MATR3: variants seen among roughly 807,000 people sequenced by gnomAD.
MATR3 encodes the protein matrin 3.
A neutral mutation model predicts 85.5 loss-of-function variants in MATR3; 4 were observed. That is an observed-to-expected ratio of 0.05 (90% CI 0.02 to 0.11). The LOEUF is 0.11. MATR3 is among the 10% of genes least tolerant of loss of function. MATR3 has a pLI of 1.00. For missense variants in MATR3, 685 were observed against 1,016.1 expected (o/e 0.67, Z 4.43); for synonymous variants, 336 against 343.1 (o/e 0.98, Z 0.23).
intron 2 of MATR3, chr5:139,311,998 G>T (rs979961918): frequency 6.6e-6 from 1 of 151,646 alleles, no homozygotes; most frequent in African/African-American, 2.4e-5. Flanking sequence ...CTAACTCCTG[G>T]CCTCAGGTGA....
intron 8 of MATR3, 104 bp from the exon 9 acceptor site, chr5:139,319,230 C>G: frequency 7.4e-7 from 1 of 1,359,424 alleles, no homozygotes; most frequent in South Asian, 1.2e-5. Flanking sequence ...ATAGCAAGAC[C>G]TCGTCTCTAT....
In MATR3 at chr5:139,316,116, C is replaced by G; in HGVS notation, c.1057C>G (p.Pro353Ala). Residue 353 changes from proline to alanine, a missense_variant, in exon 5 of 15, where the codon CCA (proline) becomes GCA (alanine). Around this residue, in one of 9 missense-constraint regions of MATR3, gnomAD observed 223 missense variants for 334.4 expected, o/e 0.67. Coordinates refer to ENST00000394805, the MANE Select transcript of MATR3 (RefSeq NM_018834.6). ...FMLQQSTNPA[P>A]GILGPPPPSF... is the part of the protein sequence containing the mutation. ...GTTGCAGCAGTCTACAAATCCAGCA[C>G]CAGGAATTCTGGGACCTCCACCTCC... The G allele has an allele frequency of 6.2e-7, 1 of 1,613,806 alleles. No homozygotes were observed. The highest frequency in any genetic ancestry group is 8.5e-7 in the Non-Finnish European group (1 of 1,179,962).
upstream of MATR3, among the ~76,000 whole-genome samples, chr5:139,290,557 G>A (rs1283017471): frequency 2.9e-5 from 4 of 140,098 alleles, no homozygotes; most frequent in Admixed American, 7.9e-5. Context: ...CCCTGACCCT[G>A]TCTACCCCTG....
intron 12 of MATR3, among the ~76,000 whole-genome samples, chr5:139,324,363 A>C (rs367952086): frequency 1.5e-5 from 2 of 137,594 alleles, no homozygotes; most frequent in South Asian, 4.4e-4. Context: ...GTGTGATCTC[A>C]GCTAACTGCA....
intron 2 of MATR3, chr5:139,311,412 A>AGT (rs1313979259): frequency 6.6e-6 from 1 of 152,198 alleles, no homozygotes; most frequent in Non-Finnish European, 1.5e-5. Context: ...TCTTTCACTT[A>AGT]GTCCCCACCG....
chr5:139,289,902 T>C (rs1749312284), upstream of MATR3, among the ~76,000 whole-genome samples: 1 of 152,236 alleles, frequency 6.6e-6, no homozygotes, highest in Non-Finnish European at 1.5e-5. Context: ...CAATGTTACC[T>C]GATATCCATG....
At chr5:139,311,214 T>C (rs989448855) in intron 2 of MATR3, 3 of 152,240 alleles carry the variant, frequency 2.0e-5, no homozygotes, top group Admixed American at 1.3e-4. Context: ...GTTATACTTT[T>C]TTCTGCCATT....
rs1408231514 is a variant in MATR3 at position 139,307,357 on chromosome 5, G to A, written c.-59G>A. 5.1e-6 allele frequency: 8 copies of A among 1,563,900 alleles called. No individual in the cohort carries two copies. The highest frequency in any genetic ancestry group is 1.4e-5 in the African/African-American group (1 of 71,504). On this transcript the variant is annotated 5_prime_UTR_variant, in exon 2 of 15. Transcript: ENST00000394805. This position sits in a 1 kb window ranked among gnomAD's most constrained non-coding sequence, Gnocchi z 4.4. ...CTTTCTAGTTTGAGCTTTCTTTTTG[G>A]CCGTCTTTAAAAAAATTTTTTTTTT...
rs199662486 is a variant in MATR3, at chr5:139,326,299, A to G, written c.2493+15A>G. The G allele has an allele frequency of 6.2e-7, 1 of 1,613,476 alleles. No homozygotes were observed. Among genetic ancestry groups the G allele is most frequent in the East Asian group, 2.2e-5 (1 of 44,734 alleles). On this transcript the variant is annotated intron_variant, in intron 14 of 14. Transcript: ENST00000394805. ...AGAAATTAAAGGTAAGGTTGAATGT[A>G]AAACAGTTCTTTTGTGAAAACTTAA... is the stretch of plus-strand genomic sequence containing the variant.
chr5:139,316,173 C>T lies in MATR3; in HGVS notation c.1114C>T (p.Pro372Ser), dbSNP rs1755230914. ...TCATCTTGGGGGACCAGCAGTTGGA[C>T]CAAGAGGAAATCTGGGTAATTATAT... is the stretch of plus-strand genomic sequence containing the variant. ...SFHLGGPAVG[P>S]RGNLGAGNGN... is the part of the protein sequence containing the mutation. The change falls in exon 5 of 15, where the codon CCA (proline) becomes TCA (serine). Residue 372 changes from proline to serine, a missense_variant. Physicochemically the swap from Pro to Ser is moderately conservative, Grantham distance 74 (BLOSUM62 -1). Coordinates refer to ENST00000394805, the MANE Select transcript of MATR3 (RefSeq NM_018834.6). 1 of 1,612,442 alleles carries T rather than the reference C, an allele frequency of 6.2e-7. No individual in the cohort carries two copies. The highest frequency in any genetic ancestry group is 1.3e-5 in the African/African-American group (1 of 74,974).
chr5:139,276,431 T>C (rs1697309486), intron 2 of MATR3: 3 of 322,112 alleles, frequency 9.3e-6, no homozygotes, highest in South Asian at 7.8e-5. Flanking sequence ...CGATAACTGA[T>C]AGCTAAATTT....
At chr5:139,317,760 C>A (rs1396587179) in intron 7 of MATR3, 39 bp downstream of exon 7, 6 of 1,483,862 alleles carry the variant, frequency 4.0e-6, no homozygotes, top group Non-Finnish European at 5.6e-6. Context: ...TTTATTCATG[C>A]CACTAATATA....
chr5:139,304,815 CT>C (rs566190717), intron 1 of MATR3, among the ~76,000 whole-genome samples: 35 of 152,240 alleles, frequency 2.3e-4, no homozygotes, highest in Middle Eastern at 3.4e-3. Flanking sequence ...TTTTGTAAAT[CT>C]TTAGTAAGTG....
At chr5:139,289,069 A>C (rs1301301478), upstream of MATR3, among the ~76,000 whole-genome samples, 1 of 152,206 alleles carries the variant, frequency 6.6e-6, no homozygotes, top group African/African-American at 2.4e-5. Flanking sequence ...GGCGTGAGCC[A>C]CCACACCCGG....
Position 139,318,984 on chromosome 5 carries a change from T to G in MATR3, c.1385T>G (p.Phe462Cys), listed in dbSNP as rs371045547. 6.2e-7 allele frequency: 1 copy of G among 1,614,078 alleles called. No individual in the cohort carries two copies. Among genetic ancestry groups the G allele is most frequent in the Non-Finnish European group, 8.5e-7 (1 of 1,179,900 alleles). Residue 462 changes from phenylalanine (F) to cysteine (C), a missense_variant, in exon 8 of 15, where the codon TTT (phenylalanine) becomes TGT (cysteine). This residue lies in a region of MATR3 where 32 missense variants were observed against 88.0 expected (regional missense o/e 0.36). Transcript: ENST00000394805. ...TACACAACCACACCAGCGTTAGTATTTGGCAAGCCAGTGAGAGTTCATTTA... is the reference window on the plus strand; with the variant it reads ...TACACAACCACACCAGCGTTAGTATGTGGCAAGCCAGTGAGAGTTCATTTA... ...DYYTTTPALVFGKPVRVHLSQ... is the reference protein window; with the variant it reads ...DYYTTTPALVCGKPVRVHLSQ...
At chr5:139,319,251 C>G in intron 8 of MATR3, 83 bp from the exon 9 acceptor site, 1 of 1,430,956 alleles carries the variant, frequency 7.0e-7, no homozygotes, top group Non-Finnish European at 9.8e-7. Context: ...AAAAATAAAA[C>G]AATTGGTAAA....
intron 1 of MATR3, among the ~76,000 whole-genome samples, chr5:139,305,310 GCT>G (rs1192876339): frequency 1.3e-5 from 2 of 152,094 alleles, no homozygotes; most frequent in Non-Finnish European, 2.9e-5. Flanking sequence ...GTAATTCAGA[GCT>G]CTGTAGTCTA....
At chr5:139,276,510 G>A (rs371354242) in intron 2 of MATR3, among the ~76,000 whole-genome samples, 3 of 152,286 alleles carry the variant, frequency 2.0e-5, no homozygotes. Flanking sequence ...GTTGGGCTGC[G>A]GGTTGGAAAA....
upstream of MATR3, among the ~76,000 whole-genome samples, chr5:139,290,438 C>CTTTTTTTTTTTTTT (rs762364450): frequency 6.8e-3 from 308 of 44,970 alleles, 103 homozygotes; most frequent in East Asian, 0.019. Flanking sequence ...CCTGGCCGCT[C>CTTTTTTTTTTTTTT]TTTTTTTTTT....
Sources: gnomAD v4.1 joint callset for allele counts (sites outside exome capture counted in the v4.1 genomes callset) on GRCh38, gnomAD v4.1.1 for gene constraint, gnomAD v4.1.1 regional missense constraint, Gnocchi (gnomAD v3.1) non-coding constraint, MANE v1.5 for transcripts, NCBI Gene and HGNC (gene_info 2026-07-23, HGNC 2026-07-21) for gene names.